The following CNOT6 variants were observed in gnomAD, a reference collection of about 807,000 sequenced individuals.
The protein encoded by CNOT6 is carbon catabolite repression 4 protein.
In CNOT6, 12 loss-of-function variants were observed where a neutral mutation model predicts 61.2. The ratio of observed to expected loss-of-function variants is 0.20; its 90% CI spans 0.13 to 0.32. The LOEUF (loss-of-function observed/expected upper bound fraction) is 0.32. Among genes scored for constraint, CNOT6 ranks in the 10% least tolerant of loss-of-function variants. The probability of loss-of-function intolerance (pLI) is 1.00; values close to 1 mark genes in which losing one functional copy is unlikely to be tolerated. For synonymous variants in CNOT6, 225 were observed against 240.6 expected (o/e 0.94, Z 0.60); for missense variants, 405 against 663.9 (o/e 0.61, Z 4.28).
chr5:180,544,549 T>C (rs920736059), intron 2 of CNOT6, among the ~76,000 whole-genome samples: 3 of 152,258 alleles, frequency 2.0e-5, no homozygotes, highest in African/African-American at 7.2e-5. Flanking sequence ...TGGCTTTTTT[T>C]CCTTTCCCTT....
At chr5:180,510,404 T>G (rs1177679355) in intron 1 of CNOT6, among the ~76,000 whole-genome samples, 1 of 152,078 alleles carries the variant, frequency 6.6e-6, no homozygotes, top group African/African-American at 2.4e-5. Flanking sequence ...ATTTTGGGTT[T>G]GAAGTGAGAG....
intron 1 of CNOT6, among the ~76,000 whole-genome samples, chr5:180,525,978 A>AG (rs1317314208): frequency 1.8e-4 from 27 of 152,256 alleles, no homozygotes; most frequent in Admixed American, 2.6e-4. Flanking sequence ...TGTTACTCAG[A>AG]GTGGAGTGCA....
intron 4 of CNOT6, among the ~76,000 whole-genome samples, chr5:180,559,290 C>T (rs543899871): frequency 1.3e-5 from 2 of 152,218 alleles, no homozygotes; most frequent in East Asian, 3.9e-4. Context: ...TTGTGCTTCT[C>T]TTGTTTGGAA....
At position 180,574,529 on chromosome 5, in the gene CNOT6, C is replaced by T; in HGVS notation, c.*329C>T. 1 of 333,454 alleles carries T rather than the reference C, an allele frequency of 3.0e-6. No individual in the cohort carries two copies. Among genetic ancestry groups the T allele is most frequent in the Non-Finnish European group, 5.7e-6 (1 of 176,882 alleles). The allele number at this position is 333,454 out of a possible 1,614,324, so 20.7% of individuals were successfully genotyped here. On this transcript the variant is annotated 3_prime_UTR_variant, in exon 12 of 12. Transcript: ENST00000261951. ...GTGTGAACAGCGTATTCTCTTCACA[C>T]AGAAATCTGTAGCACTGCTTTTTTG...
chr5:180,541,415 C>T (rs1759029231), intron 2 of CNOT6, among the ~76,000 whole-genome samples: 1 of 141,198 alleles, frequency 7.1e-6, no homozygotes, highest in Admixed American at 7.4e-5. Flanking sequence ...GGATTACAGG[C>T]ATGAACCACC....
intron 2 of CNOT6, among the ~76,000 whole-genome samples, chr5:180,547,221 G>GTACGT (rs59233678): frequency 4.0e-5 from 6 of 151,144 alleles, no homozygotes; most frequent in Non-Finnish European, 7.4e-5. Context: ...TTTCCTTACA[G>GTACGT]TAAAGTTTTT....
chr5:180,502,892 T>C lies in CNOT6; in HGVS notation c.-3+8129T>C, dbSNP rs185490037. 7.2e-4 allele frequency among the ~76,000 whole-genome samples: 110 copies of C among 152,334 alleles called. No homozygotes were observed. The South Asian group carries it at 8.3e-3, about 11-fold the overall frequency. On this transcript the variant is annotated intron_variant, in intron 1 of 11. Transcript: ENST00000261951. ...TTGTTGTTAAGTAAACACTTCAGCA[T>C]CATAAAACAATATTTGATGAAGCTA...
At chr5:180,497,764 C>T (rs754590957) in intron 1 of CNOT6, among the ~76,000 whole-genome samples, 3 of 152,178 alleles carry the variant, frequency 2.0e-5, no homozygotes, top group African/African-American at 7.2e-5. Context: ...ATTGCTGAGA[C>T]TGGGCGCGGT....
At chr5:180,500,919 G>C (rs1158456431) in intron 1 of CNOT6, among the ~76,000 whole-genome samples, 2 of 152,074 alleles carry the variant, frequency 1.3e-5, no homozygotes, top group Non-Finnish European at 2.9e-5. Context: ...CTTTAAGCTG[G>C]ATTTTAAAGG....
At chr5:180,501,139 G>A (rs1014901132) in intron 1 of CNOT6, among the ~76,000 whole-genome samples, 5 of 152,148 alleles carry the variant, frequency 3.3e-5, no homozygotes, top group Non-Finnish European at 7.3e-5. Context: ...ATATGGGTGA[G>A]CAAGTGGTTC....
At chr5:180,558,800 A>C (rs898528181) in intron 4 of CNOT6, among the ~76,000 whole-genome samples, 1 of 119,100 alleles carries the variant, frequency 8.4e-6, no homozygotes, top group Non-Finnish European at 2.1e-5. Flanking sequence ...CTAGCTCAGT[A>C]TATTTTATTT....
intron 2 of CNOT6, among the ~76,000 whole-genome samples, chr5:180,546,094 C>T (rs1384969461): frequency 6.6e-6 from 1 of 152,030 alleles, no homozygotes; most frequent in East Asian, 1.9e-4. Context: ...GGGGGTTTCA[C>T]CATGTTGGCC....
chr5:180,551,796 G>T (rs36083585), intron 3 of CNOT6, among the ~76,000 whole-genome samples: 23,757 of 151,432 alleles, frequency 0.16, 1,941 homozygotes, highest in Non-Finnish European at 0.18. Flanking sequence ...TTTTTTTTAG[G>T]TTTAATTGAG....
intron 1 of CNOT6, among the ~76,000 whole-genome samples, chr5:180,513,693 A>G (rs1453955356): frequency 1.5e-5 from 2 of 136,650 alleles, no homozygotes; most frequent in East Asian, 2.1e-4. Context: ...TTATTTATTT[A>G]TTTATTTTTA....
At chr5:180,508,404 T>C (rs1002447217) in intron 1 of CNOT6, among the ~76,000 whole-genome samples, 1 of 151,948 alleles carries the variant, frequency 6.6e-6, no homozygotes, top group African/African-American at 2.4e-5. Flanking sequence ...TTCTGCTACC[T>C]GGGCTCAAGC....
Position 180,578,300 on chromosome 5 carries a change from C to G in CNOT6, c.*4100C>G, listed in dbSNP as rs1761095987. On this transcript the variant is annotated 3_prime_UTR_variant, in exon 12 of 12. Transcript: ENST00000261951. ...TATAAGGAATGGGCTCATGTGTCTT[C>G]CGTCTTTTGGAAGGAGGTTGACATA... is the stretch of plus-strand genomic sequence containing the variant. 6.6e-6 allele frequency: 1 copy of G among 152,564 alleles called. No individual in the cohort carries two copies. The highest frequency in any genetic ancestry group is 6.6e-5 in the Admixed American group (1 of 15,262). The allele number at this position is 152,564 out of a possible 1,614,324, so 9.5% of individuals were successfully genotyped here. A position where few individuals can be genotyped will look rare whatever the true frequency, so the allele number is the denominator to read the frequency against.
intron 1 of CNOT6, among the ~76,000 whole-genome samples, chr5:180,503,467 G>A (rs1021709767): frequency 6.6e-6 from 1 of 151,666 alleles, no homozygotes; most frequent in South Asian, 2.1e-4. Context: ...GTTTTGCCAT[G>A]TTGGCCAGGC....
At chr5:180,537,380 A>G (rs910627355) in intron 2 of CNOT6, among the ~76,000 whole-genome samples, 4 of 152,020 alleles carry the variant, frequency 2.6e-5, no homozygotes, top group Admixed American at 6.5e-5. Context: ...AATGGCATAT[A>G]TATTGGCCAT....
At position 180,575,650 on chromosome 5, in the gene CNOT6, G is replaced by A. The variant is rs1760969450; in HGVS notation, c.*1450G>A. On this transcript the variant is annotated 3_prime_UTR_variant, in exon 12 of 12. Coordinates refer to ENST00000261951, the MANE Select transcript of CNOT6 (RefSeq NM_001370472.1). Reference sequence around the variant, plus strand: ...CATCATACCGTCTATTTTGCCCATAGTGCCATTTAGAGATGAAAACCAGCT... The same window carrying A: ...CATCATACCGTCTATTTTGCCCATAATGCCATTTAGAGATGAAAACCAGCT... The A allele has an allele frequency of 6.6e-6, 1 of 152,506 alleles. No individual in the cohort carries two copies. Among genetic ancestry groups the A allele is most frequent in the Admixed American group, 6.6e-5 (1 of 15,264 alleles). The allele number at this position is 152,506 out of a possible 1,614,324, so 9.4% of individuals were successfully genotyped here.
Sources: allele counts gnomAD v4.1 joint callset (sites outside exome capture counted in the v4.1 genomes callset), GRCh38; gene constraint gnomAD v4.1.1; transcripts MANE v1.5; gene names NCBI Gene and HGNC (gene_info 2026-07-23, HGNC 2026-07-21).